Variants in GCFC2 observed in about 807,000 individuals in gnomAD.
GCFC2 encodes the protein GC-rich sequence DNA-binding factor 2, also known as intron Large complex component GCFC2.
A neutral mutation model predicts 99.4 loss-of-function variants in GCFC2; 102 were observed. The observed-to-expected ratio is 1.03, with a 90% CI of 0.87 to 1.21. GCFC2 has a LOEUF of 1.21. Among genes scored for constraint, GCFC2 ranks in the 50% most tolerant of loss-of-function variants. The pLI is 0.00. For missense variants in GCFC2, 973 were observed against 920.9 expected, an observed-to-expected ratio of 1.06 and a Z score of -0.73; for synonymous variants, 338 against 316.8, an observed-to-expected ratio of 1.07 and a Z score of -0.71.
intron 4 of GCFC2, 118 bp from the exon 5 acceptor site, chr2:75,696,433 CTT>C (rs1200828978): frequency 2.1e-6 from 1 of 486,600 alleles, no homozygotes; most frequent in Non-Finnish European, 3.8e-6. Context: ...AATTCCATGT[CTT>C]TGTAATTTTT....
chr2:75,679,582 GACT>G (rs531182305), intron 12 of GCFC2, among the ~76,000 whole-genome samples: 5 of 152,170 alleles, frequency 3.3e-5, no homozygotes, highest in Non-Finnish European at 5.9e-5. Flanking sequence ...TCCTTAAAGA[GACT>G]ACTATTATTT....
chr2:75,707,859 T>G (rs1052858323), intron 1 of GCFC2, among the ~76,000 whole-genome samples: 3 of 152,254 alleles, frequency 2.0e-5, no homozygotes, highest in Non-Finnish European at 1.5e-5. Flanking sequence ...GTAGCAGTTA[T>G]GGTATTTTTC....
intron 15 of GCFC2, among the ~76,000 whole-genome samples, chr2:75,668,110 A>C (rs1678930449): frequency 6.6e-6 from 1 of 152,192 alleles, no homozygotes; most frequent in Non-Finnish European, 1.5e-5. Context: ...ACCCATTAAG[A>C]CCCTGCCTGA....
upstream of GCFC2, among the ~76,000 whole-genome samples, chr2:75,712,097 A>G (rs1372818684): frequency 1.3e-5 from 2 of 152,246 alleles, no homozygotes; most frequent in East Asian, 1.9e-4. Context: ...AAATACACCA[A>G]TCAGCACTCT....
Position 75,690,000 on chromosome 2 carries a change from T to C in GCFC2, c.1308A>G (p.Ser436=). Residue 436 remains serine (S), a synonymous_variant, in exon 9 of 17, where the codon TCA becomes TCG. Transcript: ENST00000321027. ...TTTTTTGGAAGTCAATCATCTCTGC[T>C]GAAGGCAGTTCATCATCACTAGATG... ...EGTSSDDELP[S]AEMIDFQKSQ... 1 of 1,604,718 alleles carries C rather than the reference T, an allele frequency of 6.2e-7. No homozygotes were observed. Among genetic ancestry groups the C allele is most frequent in the Non-Finnish European group, 8.5e-7 (1 of 1,172,864 alleles).
intron 2 of GCFC2, among the ~76,000 whole-genome samples, chr2:75,704,404 G>A (rs906595495): frequency 6.6e-6 from 1 of 152,084 alleles, no homozygotes; most frequent in African/African-American, 2.4e-5. Context: ...TAAGTCCTTC[G>A]AACTTTCAGG....
chr2:75,709,985 C>T (rs1681065918), intron 1 of GCFC2, among the ~76,000 whole-genome samples: 1 of 152,184 alleles, frequency 6.6e-6, no homozygotes, highest in Non-Finnish European at 1.5e-5. Context: ...TATTTAAGAA[C>T]TCAAAGGTAC....
intron 15 of GCFC2, among the ~76,000 whole-genome samples, chr2:75,666,968 G>C (rs959048037): frequency 3.9e-5 from 6 of 152,150 alleles, no homozygotes; most frequent in Admixed American, 2.6e-4. Flanking sequence ...GATTGTAACT[G>C]CAAGTGGGAG....
intron 15 of GCFC2, among the ~76,000 whole-genome samples, chr2:75,668,294 A>G (rs1051411968): frequency 1.3e-5 from 2 of 152,164 alleles, no homozygotes; most frequent in African/African-American, 4.8e-5. Flanking sequence ...TTGTAGATGC[A>G]CTCTCCCATG....
upstream of GCFC2, among the ~76,000 whole-genome samples, chr2:75,711,794 C>G (rs1270429652): frequency 6.6e-6 from 1 of 152,262 alleles, no homozygotes; most frequent in Non-Finnish European, 1.5e-5. Flanking sequence ...TCTCGCCGGG[C>G]CTTAGCTGCC....
At chr2:75,708,501 CTT>C (rs34414596) in intron 1 of GCFC2, among the ~76,000 whole-genome samples, 221 of 78,682 alleles carry the variant, frequency 2.8e-3, no homozygotes, top group African/African-American at 7.8e-3. Context: ...CATTTGGCAA[CTT>C]TTTTTTTTTT....
At chr2:75,679,656 C>T in intron 12 of GCFC2, 1 of 396,742 alleles carries the variant, frequency 2.5e-6, no homozygotes, top group East Asian at 3.6e-5. Flanking sequence ...AACCATTGTT[C>T]AAGCAAAGCC....
chr2:75,668,258 G>A (rs1454442140), intron 15 of GCFC2, among the ~76,000 whole-genome samples: 1 of 152,092 alleles, frequency 6.6e-6, no homozygotes, highest in Admixed American at 6.5e-5. Flanking sequence ...TAGTTAGATT[G>A]TACAGACTGA....
chr2:75,705,359 C>A (rs1324782486), intron 2 of GCFC2, among the ~76,000 whole-genome samples: 1 of 151,876 alleles, frequency 6.6e-6, no homozygotes. Context: ...CGTGGTGGCT[C>A]ACGTCTGTAA....
intron 1 of GCFC2, 54 bp downstream of exon 1, chr2:75,710,537 C>T (rs1340788793): frequency 1.4e-6 from 2 of 1,436,968 alleles, no homozygotes; most frequent in South Asian, 1.4e-5. Flanking sequence ...GACCCCGCGG[C>T]CCCTTCCCGC....
intron 4 of GCFC2, 103 bp from the exon 5 acceptor site, chr2:75,696,418 T>C: frequency 2.0e-6 from 1 of 492,522 alleles, no homozygotes; most frequent in Non-Finnish European, 3.7e-6. Flanking sequence ...CTCTTCAAGC[T>C]AAAAAATTCC....
Position 75,663,026 on chromosome 2 carries a change from G to A in GCFC2, c.*1640C>T, listed in dbSNP as rs1373453608. 1 of 152,078 alleles carries A rather than the reference G, an allele frequency of 6.6e-6. No homozygotes were observed. Among genetic ancestry groups the A allele is most frequent in the Non-Finnish European group, 1.5e-5 (1 of 67,988 alleles). The allele number at this position is 152,078 out of a possible 1,614,324, so 9.4% of individuals were successfully genotyped here. On this transcript the variant is annotated 3_prime_UTR_variant, in exon 17 of 17. Transcript: ENST00000321027. ...ACAGCAGTTATCTCTGGGGACAGCGGTTGTGTGGAAATGCTAACTGCTTTT... is the reference window on the plus strand; with the variant it reads ...ACAGCAGTTATCTCTGGGGACAGCGATTGTGTGGAAATGCTAACTGCTTTT...
At chr2:75,710,000 A>G (rs909995180) in intron 1 of GCFC2, among the ~76,000 whole-genome samples, 1 of 152,256 alleles carries the variant, frequency 6.6e-6, no homozygotes, top group South Asian at 2.1e-4. Context: ...AGGTACTTCA[A>G]AATGACGACA....
rs766384326 is a variant in GCFC2, at chr2:75,710,730, C to T, written c.126G>A (p.Glu42=). ...GGCCTCCTCCAGAGGGCGGCTCTTC[C>T]TCCGCAGAACCCGGGACCGGAAGTT... ...PRELPVPGSA[E]EEPPSGGGRA... is the part of the protein sequence containing the mutation. The change falls in exon 1 of 17, where the codon GAG becomes GAA. Residue 42 remains glutamate, a synonymous_variant. Transcript: ENST00000321027. 4 of 1,557,684 alleles carry T rather than the reference C, an allele frequency of 2.6e-6. No homozygotes were observed. In the South Asian group the frequency reaches 4.7e-5, roughly 18 times the overall value.
Sources: gnomAD v4.1 joint callset for allele counts (sites outside exome capture counted in the v4.1 genomes callset) on GRCh38, gnomAD v4.1.1 for gene constraint, MANE v1.5 for transcripts, NCBI Gene and HGNC (gene_info 2026-07-23, HGNC 2026-07-21) for gene names.